MVB12B: variants seen among roughly 807,000 people sequenced by gnomAD.
The protein encoded by MVB12B is ESCRT-I complex subunit MVB12B.
Under a neutral mutation model 41.6 loss-of-function variants are expected in MVB12B, and 16 were observed. That is an observed-to-expected ratio of 0.38 (90% confidence interval 0.26 to 0.58). The LOEUF (loss-of-function observed/expected upper bound fraction) is 0.58, where lower values mean the gene tolerates loss of function less well. Ranked by LOEUF, MVB12B falls within the 20% of genes least tolerant of loss-of-function variation. MVB12B has a pLI of 0.62. For synonymous variants in MVB12B, 133 were observed against 139.7 expected, an observed-to-expected ratio of 0.95 and a Z score of 0.34; for missense variants, 274 against 380.2, an observed-to-expected ratio of 0.72 and a Z score of 2.32.
At chr9:126,426,765 A>G (rs1352938771) in intron 7 of MVB12B, 1 of 152,212 alleles carries the variant, frequency 6.6e-6, no homozygotes. Flanking sequence ...GGATATCTAG[A>G]TTAGGTTCTG....
intron 7 of MVB12B, among the ~76,000 whole-genome samples, chr9:126,471,426 G>A (rs10819163): frequency 6.6e-6 from 1 of 152,024 alleles, no homozygotes. Flanking sequence ...GGGAGGCTCC[G>A]GCAGTGGCTG....
rs141276277 is a variant in MVB12B, at chr9:126,340,615, G to A, written c.189G>A (p.Pro63=). The change falls in exon 2 of 10, where the codon CCG becomes CCA. Residue 63 remains proline (P), a synonymous_variant. Transcript: ENST00000361171. This position sits in a 1 kb window ranked among gnomAD's most constrained non-coding sequence, Gnocchi z 4.0. ...TGGTGGCTTCTCGGAACCGAGCCCCGACAGGCTATGACGTAGTAAGTCAAG... is the reference window on the plus strand; with the variant it reads ...TGGTGGCTTCTCGGAACCGAGCCCCAACAGGCTATGACGTAGTAAGTCAAG... ...VGVVASRNRA[P]TGYDVVAQTA... is the part of the protein sequence containing the mutation. 472 of 1,614,044 alleles carry A rather than the reference G, an allele frequency of 2.9e-4. No homozygotes were observed. In the East Asian group the frequency reaches 7.9e-3, roughly 27 times the overall value.
intron 3 of MVB12B, among the ~76,000 whole-genome samples, chr9:126,383,836 C>T (rs1830698762): frequency 6.6e-6 from 1 of 151,880 alleles, no homozygotes; most frequent in African/African-American, 2.4e-5. Flanking sequence ...ATTTTGTATG[C>T]ATGCAAGGGT....
At chr9:126,335,749 A>G (rs920152737) in intron 1 of MVB12B, among the ~76,000 whole-genome samples, 4 of 152,166 alleles carry the variant, frequency 2.6e-5, no homozygotes, top group Admixed American at 6.5e-5. Flanking sequence ...TTCCTTCCTC[A>G]GCCCTGTAAG....
Position 126,480,466 on chromosome 9 carries a change from C to G in MVB12B, c.758-903C>G, listed in dbSNP as rs1186164327. On this transcript the variant is annotated intron_variant, in intron 7 of 9. Coordinates refer to ENST00000361171, the MANE Select transcript of MVB12B (RefSeq NM_033446.3). This position sits in a 1 kb window ranked among gnomAD's most constrained non-coding sequence, Gnocchi z 4.9. ...AGGTTATAATTCATAGAGAAGTGCT[C>G]ACTTACGGAGGCACACCCTGGGTCG... Among the ~76,000 whole-genome samples the G allele has an allele frequency of 1.3e-5, 2 of 152,178 alleles. No homozygotes were observed. Among genetic ancestry groups the G allele is most frequent in the Non-Finnish European group, 2.9e-5 (2 of 68,038 alleles).
At chr9:126,445,898 A>G (rs1315976904) in intron 7 of MVB12B, among the ~76,000 whole-genome samples, 1 of 152,196 alleles carries the variant, frequency 6.6e-6, no homozygotes, top group Non-Finnish European at 1.5e-5. Context: ...TTGGAAGACA[A>G]CATCATCTGC....
intron 9 of MVB12B, among the ~76,000 whole-genome samples, chr9:126,492,217 C>T (rs1412685048): frequency 1.4e-5 from 2 of 147,966 alleles, no homozygotes; most frequent in African/African-American, 5.0e-5. Flanking sequence ...TTCGCATGTT[C>T]CTTTACAGAT....
chr9:126,465,249 A>G (rs1318724707), intron 7 of MVB12B, among the ~76,000 whole-genome samples: 1 of 152,222 alleles, frequency 6.6e-6, no homozygotes, highest in Non-Finnish European at 1.5e-5. Context: ...ATTTGTGAGA[A>G]TGAAGACTAT....
intron 3 of MVB12B, among the ~76,000 whole-genome samples, chr9:126,381,678 A>T (rs1830641750): frequency 6.6e-6 from 1 of 150,970 alleles, no homozygotes; most frequent in Non-Finnish European, 1.5e-5. Flanking sequence ...TATGCTTTTA[A>T]AAAAAAAAAC....
At chr9:126,380,110 C>T (rs923703716) in intron 2 of MVB12B, among the ~76,000 whole-genome samples, 2 of 152,218 alleles carry the variant, frequency 1.3e-5, no homozygotes, top group South Asian at 2.1e-4. Flanking sequence ...TGTCCCCCTT[C>T]GCGGTGCTTA....
intron 2 of MVB12B, among the ~76,000 whole-genome samples, chr9:126,355,028 A>G (rs1265286264): frequency 6.6e-6 from 1 of 152,062 alleles, no homozygotes; most frequent in African/African-American, 2.4e-5. Context: ...TTTTCTGAAC[A>G]CTGTCTTCTC....
At position 126,361,009 on chromosome 9, in the gene MVB12B, G is replaced by A. The variant is rs776350114; in HGVS notation, c.205-20055G>A. The stretch of plus-strand genomic sequence containing the variant: ...TTTCTTGTAGACACCGTATTATCTA[G>A]TCTGACAATTTCTTCCATTTAATTG... On this transcript the variant is annotated intron_variant, in intron 2 of 9. Transcript: ENST00000361171. 1.4e-4 allele frequency among the ~76,000 whole-genome samples: 21 copies of A among 152,206 alleles called. No individual in the cohort carries two copies. The Middle Eastern group carries it at 0.014, about 99-fold the overall frequency.
At chr9:126,349,015 A>G (rs2118852650) in intron 2 of MVB12B, among the ~76,000 whole-genome samples, 1 of 152,278 alleles carries the variant, frequency 6.6e-6, no homozygotes, top group Non-Finnish European at 1.5e-5. Context: ...AGGAGCAGAC[A>G]GGCCACACCC....
At chr9:126,446,325 T>G (rs1241416009) in intron 7 of MVB12B, among the ~76,000 whole-genome samples, 1 of 152,096 alleles carries the variant, frequency 6.6e-6, no homozygotes, top group African/African-American at 2.4e-5. Flanking sequence ...TTATGGTGCA[T>G]TCTTCTTTAA....
At chr9:126,410,158 TGTGTGTGTGTGTGTGC>T (rs1173496621) in intron 6 of MVB12B, among the ~76,000 whole-genome samples, 3 of 151,722 alleles carry the variant, frequency 2.0e-5, no homozygotes, top group Admixed American at 2.0e-4. Flanking sequence ...TGTGTGTGTG[TGTGTGTGTGTGTGTGC>T]ACGCATGCAC....
chr9:126,446,268 AT>A (rs1832763328), intron 7 of MVB12B, among the ~76,000 whole-genome samples: 1 of 151,964 alleles, frequency 6.6e-6, no homozygotes, highest in African/African-American at 2.4e-5. Context: ...TGTTTTGATG[AT>A]TTAGCATTTA....
At chr9:126,474,385 G>C (rs143592332) in intron 7 of MVB12B, among the ~76,000 whole-genome samples, 58 of 152,350 alleles carry the variant, frequency 3.8e-4, no homozygotes, top group Middle Eastern at 3.4e-3. Context: ...GGACGGAGAT[G>C]ATTCATGAAC....
At chr9:126,406,139 G>A (rs1831417009) in intron 6 of MVB12B, among the ~76,000 whole-genome samples, 1 of 152,034 alleles carries the variant, frequency 6.6e-6, no homozygotes, top group East Asian at 1.9e-4. Flanking sequence ...ATTCATCCAA[G>A]GGCAGAGAGT....
rs1348981688 is a variant in MVB12B at position 126,340,353 on chromosome 9, GA to G, written c.82-152del. 1.3e-5 allele frequency among the ~76,000 whole-genome samples: 2 copies of G among 152,204 alleles called. No individual in the cohort carries two copies. The highest frequency in any genetic ancestry group is 2.9e-5 in the Non-Finnish European group (2 of 68,044). ...AGGTGATTTGAATTCTTGACCTGGGGAAAGGGTCACATAGGGTCAGGACTCA... is the reference window on the plus strand; with the variant it reads ...AGGTGATTTGAATTCTTGACCTGGGGAAGGGTCACATAGGGTCAGGACTCA... On this transcript the variant is annotated intron_variant, in intron 1 of 9. Coordinates refer to ENST00000361171, the MANE Select transcript of MVB12B (RefSeq NM_033446.3). The surrounding 1 kb of genome is among the most constrained non-coding windows in gnomAD (Gnocchi z 4.0).
Sources: allele counts gnomAD v4.1 joint callset (sites outside exome capture counted in the v4.1 genomes callset), GRCh38; gene constraint gnomAD v4.1.1; non-coding constraint Gnocchi (gnomAD v3.1); transcripts MANE v1.5; gene names NCBI Gene and HGNC (gene_info 2026-07-23, HGNC 2026-07-21).